The following NCAM1 variants were observed in gnomAD, a reference collection of about 807,000 sequenced individuals.
NCAM1 encodes neural cell adhesion molecule 1.
NCAM1 carries 14 observed loss-of-function variants against 109.8 expected under a neutral mutation model. The observed-to-expected ratio is 0.13, with a 90% CI of 0.08 to 0.20. NCAM1 has a LOEUF of 0.20. Among genes scored for constraint, NCAM1 ranks in the 10% least tolerant of loss-of-function variants. The pLI is 1.00. For missense variants in NCAM1, 774 were observed against 1,109.9 expected (o/e 0.70, Z 4.30); for synonymous variants, 418 against 442.9 (o/e 0.94, Z 0.70).
Position 113,207,881 on chromosome 11 carries a change from C to T in NCAM1, c.795C>T (p.Phe265=), listed in dbSNP as rs1555113138. 4 of 1,611,638 alleles carry T rather than the reference C, an allele frequency of 2.5e-6. No individual in the cohort carries two copies. In the South Asian group the frequency reaches 3.3e-5, roughly 13 times the overall value. The part of the protein sequence containing the change: ...EQEEDDEKYI[F]SDDSSQLTIK... ...AGGAAGACGATGAGAAGTACATCTT[C>T]AGCGACGATAGTTCCCAGCTGACCA... The change falls in exon 7 of 20, where the codon TTC becomes TTT. Residue 265 remains phenylalanine, a synonymous_variant. Coordinates refer to ENST00000316851, the MANE Select transcript of NCAM1 (RefSeq NM_181351.5).
At chr11:113,065,595 A>G (rs1937911908) in intron 1 of NCAM1, among the ~76,000 whole-genome samples, 1 of 152,190 alleles carries the variant, frequency 6.6e-6, no homozygotes, top group African/African-American at 2.4e-5. Flanking sequence ...ATCCCAGTCT[A>G]ATTGTGAGAA....
intron 11 of NCAM1, among the ~76,000 whole-genome samples, 163 bp downstream of exon 11, chr11:113,232,517 C>T (rs1346888001): frequency 6.6e-6 from 1 of 152,150 alleles, no homozygotes; most frequent in Non-Finnish European, 1.5e-5. Flanking sequence ...TCCCCTTCGC[C>T]CACTCTACCA....
intron 1 of NCAM1, among the ~76,000 whole-genome samples, chr11:112,989,012 T>C (rs1951391601): frequency 6.6e-6 from 1 of 152,148 alleles, no homozygotes; most frequent in South Asian, 2.1e-4. Context: ...CTTCCCAAAG[T>C]TTTGGGATTA....
intron 1 of NCAM1, among the ~76,000 whole-genome samples, chr11:112,965,098 C>T (rs1950696638): frequency 6.6e-6 from 1 of 151,802 alleles, no homozygotes; most frequent in Admixed American, 6.6e-5. Flanking sequence ...AATGGAATAC[C>T]AGAAAATAGC....
chr11:113,151,905 C>T (rs1384583585), intron 1 of NCAM1, among the ~76,000 whole-genome samples: 4 of 152,306 alleles, frequency 2.6e-5, no homozygotes, highest in African/African-American at 9.6e-5. Flanking sequence ...TAGGAGTGAA[C>T]CACAGAACAG....
chr11:113,050,278 T>A (rs1243770393), intron 1 of NCAM1, among the ~76,000 whole-genome samples: 1 of 152,104 alleles, frequency 6.6e-6, no homozygotes, highest in Non-Finnish European at 1.5e-5. Context: ...AGTAAATAAA[T>A]CAGTTAGAAA....
intron 1 of NCAM1, among the ~76,000 whole-genome samples, chr11:113,166,297 G>T (rs1337270643): frequency 6.6e-6 from 1 of 152,144 alleles, no homozygotes; most frequent in Non-Finnish European, 1.5e-5. Context: ...TAGTTGCTAG[G>T]GTCAAGATCT....
At chr11:113,173,590 T>TTATATATATATATATA (rs1943054971) in intron 1 of NCAM1, among the ~76,000 whole-genome samples, 2 of 30,150 alleles carry the variant, frequency 6.6e-5, no homozygotes, top group African/African-American at 2.7e-4. Context: ...GCATGTTACC[T>TTATATATATATATATA]GATATATATA....
intron 1 of NCAM1, among the ~76,000 whole-genome samples, chr11:113,040,751 CTA>C (rs1273691865): frequency 6.6e-6 from 1 of 152,126 alleles, no homozygotes; most frequent in Non-Finnish European, 1.5e-5. Flanking sequence ...GTGATTCTTA[CTA>C]TGTTTTAAGT....
At chr11:112,986,807 A>G (rs1951318507) in intron 1 of NCAM1, among the ~76,000 whole-genome samples, 1 of 151,894 alleles carries the variant, frequency 6.6e-6, no homozygotes, top group South Asian at 2.1e-4. Context: ...TAGTTAGCCT[A>G]GCAAAACTTT....
intron 1 of NCAM1, among the ~76,000 whole-genome samples, chr11:113,057,367 G>C (rs1360836874): frequency 6.6e-6 from 1 of 151,962 alleles, no homozygotes; most frequent in Non-Finnish European, 1.5e-5. Flanking sequence ...TAAGAGATGG[G>C]AAGGGTGAGA....
At chr11:113,185,751 C>G (rs1382003816) in intron 1 of NCAM1, among the ~76,000 whole-genome samples, 1 of 152,138 alleles carries the variant, frequency 6.6e-6, no homozygotes, top group Non-Finnish European at 1.5e-5. Context: ...ATAGTATTTG[C>G]AATTCGTCAG....
intron 1 of NCAM1, among the ~76,000 whole-genome samples, chr11:113,166,262 C>T (rs782254313): frequency 6.6e-6 from 1 of 152,196 alleles, no homozygotes; most frequent in Non-Finnish European, 1.5e-5. Flanking sequence ...TGGATCTCAA[C>T]CATGGTCCTA....
chr11:113,020,804 G>A (rs1366810342), intron 1 of NCAM1, among the ~76,000 whole-genome samples: 1 of 152,090 alleles, frequency 6.6e-6, no homozygotes, highest in African/African-American at 2.4e-5. Flanking sequence ...CGCCCAGGCT[G>A]GAGTGCAGTG....
chr11:113,220,750 G>A (rs1167419453), intron 8 of NCAM1, among the ~76,000 whole-genome samples: 1 of 151,662 alleles, frequency 6.6e-6, no homozygotes, highest in African/African-American at 2.4e-5. Flanking sequence ...GGGACTACAG[G>A]CGCCTGCCAC....
chr11:113,270,144 G>C (rs370291017), intron 17 of NCAM1, 44 bp from the exon 18 acceptor site: 2 of 1,594,248 alleles, frequency 1.3e-6, no homozygotes, highest in Non-Finnish European at 1.7e-6. Flanking sequence ...TGGAGGTCTC[G>C]CATCTCAGTC....
intron 1 of NCAM1, among the ~76,000 whole-genome samples, chr11:113,123,089 G>T (rs528600418): frequency 2.6e-5 from 4 of 152,238 alleles, no homozygotes; most frequent in African/African-American, 9.6e-5. Flanking sequence ...AAGAGGGGAA[G>T]AATAGGTTGG....
chr11:113,024,462 C>T (rs1952481592), intron 1 of NCAM1, among the ~76,000 whole-genome samples: 1 of 152,068 alleles, frequency 6.6e-6, no homozygotes, highest in African/African-American at 2.4e-5. Flanking sequence ...AGTTTATTTG[C>T]TTATCTCTAG....
At chr11:113,173,626 A>ATATATATATATATG (rs1943060397) in intron 1 of NCAM1, among the ~76,000 whole-genome samples, 1 of 120,470 alleles carries the variant, frequency 8.3e-6, no homozygotes. Flanking sequence ...ATATATATAT[A>ATATATATATATATG]TTTTAGAGGG....
Sources: gnomAD v4.1 joint callset for allele counts (sites outside exome capture counted in the v4.1 genomes callset) on GRCh38, gnomAD v4.1.1 for gene constraint, MANE v1.5 for transcripts, NCBI Gene and HGNC (gene_info 2026-07-23, HGNC 2026-07-21) for gene names.